Variants in DCLK1 observed in about 807,000 individuals in gnomAD.
The protein encoded by DCLK1 is doublecortin like kinase 1.
In DCLK1, 16 loss-of-function variants were observed where a neutral mutation model predicts 86.2. That is an observed-to-expected ratio of 0.19 (90% CI 0.13 to 0.28). DCLK1 has a LOEUF of 0.28. Among genes scored for constraint, DCLK1 ranks in the 10% least tolerant of loss-of-function variants. DCLK1 has a pLI of 1.00. For synonymous variants in DCLK1, 369 were observed against 370.5 expected (o/e 1.00, Z 0.05); for missense variants, 590 against 940.2 (o/e 0.63, Z 4.87).
At chr13:36,118,527 A>G (rs576998648) in intron 2 of DCLK1, among the ~76,000 whole-genome samples, 1 of 152,238 alleles carries the variant, frequency 6.6e-6, no homozygotes, top group African/African-American at 2.4e-5. Flanking sequence ...GTAAAGAAGG[A>G]AATTAAGTTG....
chr13:35,930,928 GC>G (rs768949690), intron 4 of DCLK1, among the ~76,000 whole-genome samples: 2 of 152,196 alleles, frequency 1.3e-5, no homozygotes, highest in Non-Finnish European at 1.5e-5. Flanking sequence ...AGGCCAAAGA[GC>G]TTTTGGTTTG....
At chr13:36,030,020 A>C (rs184955102) in intron 3 of DCLK1, among the ~76,000 whole-genome samples, 1 of 152,214 alleles carries the variant, frequency 6.6e-6, no homozygotes, top group Admixed American at 6.5e-5. Flanking sequence ...GACCTAAGCC[A>C]CTGACCCAGA....
chr13:36,127,115 A>C (rs2077246743), intron 1 of DCLK1, among the ~76,000 whole-genome samples: 1 of 152,258 alleles, frequency 6.6e-6, no homozygotes, highest in African/African-American at 2.4e-5. Context: ...AGATTGTAAA[A>C]GTTTTACATA....
chr13:36,077,920 T>C (rs1018496008), intron 3 of DCLK1, among the ~76,000 whole-genome samples: 7 of 152,194 alleles, frequency 4.6e-5, no homozygotes, highest in Non-Finnish European at 8.8e-5. Context: ...ATCCTTAACT[T>C]TGGTGTGTCA....
intron 16 of DCLK1, among the ~76,000 whole-genome samples, chr13:35,775,557 G>GA (rs1241764757): frequency 6.6e-6 from 1 of 152,050 alleles, no homozygotes; most frequent in Non-Finnish European, 1.5e-5. Context: ...GGGTGTGGGG[G>GA]AAAAATGGGG....
chr13:35,928,732 A>C (rs1876262994), intron 4 of DCLK1, among the ~76,000 whole-genome samples: 1 of 152,164 alleles, frequency 6.6e-6, no homozygotes. Flanking sequence ...CTATTAGTTG[A>C]ATCTTGCCAA....
intron 3 of DCLK1, among the ~76,000 whole-genome samples, chr13:35,989,063 C>A (rs1051854564): frequency 6.6e-6 from 1 of 152,112 alleles, no homozygotes; most frequent in Non-Finnish European, 1.5e-5. Flanking sequence ...AGAAACTTTA[C>A]AAATTAGCCC....
intron 4 of DCLK1, among the ~76,000 whole-genome samples, chr13:35,921,771 T>G (rs1485898245): frequency 6.6e-6 from 1 of 152,034 alleles, no homozygotes; most frequent in East Asian, 1.9e-4. Context: ...AAGGACCTGG[T>G]GACATTTGGC....
chr13:35,941,422 G>T (rs1877075648), intron 4 of DCLK1, among the ~76,000 whole-genome samples: 1 of 152,196 alleles, frequency 6.6e-6, no homozygotes, highest in Admixed American at 6.5e-5. Flanking sequence ...ACACCATGGT[G>T]ATCCATAAGA....
At chr13:35,788,304 G>A in intron 16 of DCLK1, 1 of 1,612,542 alleles carries the variant, frequency 6.2e-7, no homozygotes, top group Non-Finnish European at 8.5e-7. Context: ...AGAGAAATGG[G>A]GCAACTCAGT....
At chr13:36,022,918 T>A (rs1881846102) in intron 3 of DCLK1, among the ~76,000 whole-genome samples, 1 of 152,200 alleles carries the variant, frequency 6.6e-6, no homozygotes, top group Non-Finnish European at 1.5e-5. Context: ...ATTATCCTGG[T>A]ACCAAAGCAA....
chr13:36,065,506 A>G (rs1883715160), intron 3 of DCLK1, among the ~76,000 whole-genome samples: 2 of 152,236 alleles, frequency 1.3e-5, no homozygotes, highest in African/African-American at 4.8e-5. Context: ...ATATATTTCA[A>G]TATCCATCAC....
chr13:35,899,874 T>A (rs551425649), intron 4 of DCLK1, among the ~76,000 whole-genome samples: 1 of 152,314 alleles, frequency 6.6e-6, no homozygotes, highest in East Asian at 1.9e-4. Flanking sequence ...TGCTATTCTA[T>A]AATACACGCT....
intron 11 of DCLK1, among the ~76,000 whole-genome samples, chr13:35,818,056 T>C (rs2087310330): frequency 6.6e-6 from 1 of 152,228 alleles, no homozygotes; most frequent in Admixed American, 6.5e-5. Flanking sequence ...AAGTCACTGG[T>C]AATGATGAAT....
At chr13:35,887,877 T>C (rs1476497104) in intron 4 of DCLK1, among the ~76,000 whole-genome samples, 1 of 21,298 alleles carries the variant, frequency 4.7e-5, no homozygotes, top group Non-Finnish European at 8.8e-5. Context: ...AGATCTTGTC[T>C]CAAAAAAAAA....
chr13:35,922,799 A>G (rs1325287520), intron 4 of DCLK1, among the ~76,000 whole-genome samples: 1 of 152,134 alleles, frequency 6.6e-6, no homozygotes, highest in East Asian at 1.9e-4. Context: ...ATGGGCTCCA[A>G]GCTATTGGAC....
intron 5 of DCLK1, among the ~76,000 whole-genome samples, chr13:35,863,055 C>A (rs1225926123): frequency 6.6e-6 from 1 of 152,170 alleles, no homozygotes; most frequent in Non-Finnish European, 1.5e-5. Context: ...CTTACAATTG[C>A]TAGGATATTC....
chr13:36,007,836 C>A (rs529695210), intron 3 of DCLK1, among the ~76,000 whole-genome samples: 2 of 152,116 alleles, frequency 1.3e-5, no homozygotes, highest in Admixed American at 1.3e-4. Context: ...TTTTGGCATA[C>A]AATAAAACTT....
chr13:35,965,910 G>A (rs1878710485), intron 3 of DCLK1, among the ~76,000 whole-genome samples: 1 of 152,204 alleles, frequency 6.6e-6, no homozygotes, highest in African/African-American at 2.4e-5. Context: ...TCCAAAGAGA[G>A]GAGGGCCACA....
Sources: allele counts gnomAD v4.1 joint callset (sites outside exome capture counted in the v4.1 genomes callset), GRCh38; gene constraint gnomAD v4.1.1; transcripts MANE v1.5; gene names NCBI Gene and HGNC (gene_info 2026-07-23, HGNC 2026-07-21).